The following TENM4 variants were observed in gnomAD, a reference collection of about 807,000 sequenced individuals.
TENM4 encodes the protein teneurin-4.
TENM4 carries 82 observed loss-of-function variants against 243.3 expected under a neutral mutation model. That is an observed-to-expected ratio of 0.34 (90% confidence interval 0.28 to 0.40). The LOEUF is 0.40. Among genes scored for constraint, TENM4 ranks in the 10% least tolerant of loss-of-function variants. TENM4 has a pLI of 1.00. For synonymous variants in TENM4, 1,412 were observed against 1,456.3 expected (o/e 0.97, Z 0.69); for missense variants, 3,138 against 3,673.3 (o/e 0.85, Z 3.77).
At chr11:79,044,443 T>C (rs1441912917) in intron 6 of TENM4, among the ~76,000 whole-genome samples, 1 of 152,112 alleles carries the variant, frequency 6.6e-6, no homozygotes, top group Non-Finnish European at 1.5e-5. Context: ...CAGGACTGGG[T>C]AGGGAAGATG....
intron 18 of TENM4, among the ~76,000 whole-genome samples, chr11:78,766,551 C>T (rs1294566585): frequency 6.6e-6 from 1 of 152,104 alleles, no homozygotes; most frequent in East Asian, 1.9e-4. Context: ...TCTCAGGAGC[C>T]AGTGCCCAAG....
intron 1 of TENM4, among the ~76,000 whole-genome samples, chr11:79,409,780 T>A (rs117259332): frequency 0.028 from 4,216 of 152,268 alleles, 95 homozygotes; most frequent in Non-Finnish European, 0.038. Context: ...AGGTGGAGGC[T>A]CCACAACCAA....
At chr11:78,744,409 T>G (rs1856000285) in intron 19 of TENM4, among the ~76,000 whole-genome samples, 1 of 152,226 alleles carries the variant, frequency 6.6e-6, no homozygotes, top group Non-Finnish European at 1.5e-5. Flanking sequence ...GATCACCTCT[T>G]TCAAACTTCT....
intron 28 of TENM4, among the ~76,000 whole-genome samples, chr11:78,693,345 C>CGCG (rs1485377640): frequency 1.3e-5 from 2 of 152,152 alleles, no homozygotes; most frequent in Non-Finnish European, 2.9e-5. Context: ...AAGCAACTTG[C>CGCG]CTAAGATCAC....
chr11:78,985,016 G>A (rs1011821761), intron 6 of TENM4, among the ~76,000 whole-genome samples: 11 of 152,166 alleles, frequency 7.2e-5, no homozygotes, highest in African/African-American at 2.4e-4. Context: ...TACCACTTAA[G>A]GTGTGATCTT....
intron 2 of TENM4, among the ~76,000 whole-genome samples, chr11:79,281,966 G>C (rs940089099): frequency 6.6e-6 from 1 of 152,148 alleles, no homozygotes; most frequent in African/African-American, 2.4e-5. Context: ...CTTGGGCCTG[G>C]AAGGCCCTGT....
rs142010894 is a variant in TENM4 at position 79,178,483 on chromosome 11, G to A, written c.-162-29677C>T. Among the ~76,000 whole-genome samples, 10 of 152,296 alleles carry A rather than the reference G, an allele frequency of 6.6e-5. No homozygotes were observed. In the East Asian group the frequency reaches 1.9e-3, roughly 29 times the overall value. ...GGAAGAACCAGTGAAAGAGGTGGAA[G>A]AAGTAGTGAGTAGTGTGGTGAGGCA... On this transcript the variant is annotated intron_variant, in intron 3 of 33. Coordinates refer to ENST00000278550, the MANE Select transcript of TENM4 (RefSeq NM_001098816.3).
chr11:78,818,567 T>C (rs956287654), intron 12 of TENM4, among the ~76,000 whole-genome samples: 2 of 152,228 alleles, frequency 1.3e-5, no homozygotes, highest in African/African-American at 4.8e-5. Context: ...CTTATGTATA[T>C]ATTTTTCTTC....
chr11:79,254,156 C>T (rs1347000185), intron 2 of TENM4, among the ~76,000 whole-genome samples: 1 of 152,162 alleles, frequency 6.6e-6, no homozygotes, highest in African/African-American at 2.4e-5. Flanking sequence ...CTTTTTGGCT[C>T]ATTTATTCTA....
intron 23 of TENM4, among the ~76,000 whole-genome samples, chr11:78,725,870 G>A (rs1855498251): frequency 6.6e-6 from 1 of 152,196 alleles, no homozygotes; most frequent in Non-Finnish European, 1.5e-5. Context: ...CAGGCATAAA[G>A]CCTTGAGGCC....
At chr11:79,015,821 G>A (rs1858760826) in intron 6 of TENM4, among the ~76,000 whole-genome samples, 1 of 152,202 alleles carries the variant, frequency 6.6e-6, no homozygotes, top group African/African-American at 2.4e-5. Flanking sequence ...ATGGTCATAA[G>A]TGCTCTGTCA....
chr11:78,777,358 C>T (rs1163621730), intron 17 of TENM4, among the ~76,000 whole-genome samples: 2 of 152,196 alleles, frequency 1.3e-5, no homozygotes, highest in Non-Finnish European at 2.9e-5. Context: ...AGCTGAAAAG[C>T]ATTTAGTCAG....
chr11:78,758,847 A>C (rs953520191), intron 18 of TENM4, among the ~76,000 whole-genome samples: 1 of 152,110 alleles, frequency 6.6e-6, no homozygotes, highest in Non-Finnish European at 1.5e-5. Flanking sequence ...TGGCACTGAA[A>C]CTTACTAGTG....
At chr11:79,027,804 C>T (rs1451343611) in intron 6 of TENM4, among the ~76,000 whole-genome samples, 1 of 152,156 alleles carries the variant, frequency 6.6e-6, no homozygotes, top group African/African-American at 2.4e-5. Context: ...AATAGCTAGA[C>T]CTATCTGTTC....
At chr11:78,814,455 C>T in intron 12 of TENM4, 60 bp from the exon 13 acceptor site, 1 of 1,453,212 alleles carries the variant, frequency 6.9e-7, no homozygotes, top group Non-Finnish European at 9.4e-7. Flanking sequence ...ACAGAGAGCC[C>T]AGGAATCAAG....
chr11:79,193,489 A>C (rs1036008135), intron 3 of TENM4, among the ~76,000 whole-genome samples: 1 of 152,184 alleles, frequency 6.6e-6, no homozygotes, highest in African/African-American at 2.4e-5. Context: ...CAGGAGACAA[A>C]GCTTGTGGCC....
intron 6 of TENM4, among the ~76,000 whole-genome samples, chr11:79,052,715 A>G (rs1750478482): frequency 6.6e-6 from 1 of 152,202 alleles, no homozygotes; most frequent in African/African-American, 2.4e-5. Flanking sequence ...TGGGGTCGCC[A>G]TCTGCTGGCC....
At chr11:78,738,012 T>C (rs1443945353) in intron 20 of TENM4, among the ~76,000 whole-genome samples, 3 of 152,208 alleles carry the variant, frequency 2.0e-5, no homozygotes, top group Non-Finnish European at 4.4e-5. Flanking sequence ...AAGTTTTATT[T>C]CATTCTGCTG....
intron 4 of TENM4, among the ~76,000 whole-genome samples, chr11:79,101,096 T>C (rs1229959576): frequency 6.6e-6 from 1 of 152,142 alleles, no homozygotes; most frequent in East Asian, 1.9e-4. Context: ...GGGGAGGGTA[T>C]TGGGGGCCAT....
Sources: gnomAD v4.1 joint callset for allele counts (sites outside exome capture counted in the v4.1 genomes callset) on GRCh38, gnomAD v4.1.1 for gene constraint, MANE v1.5 for transcripts, NCBI Gene and HGNC (gene_info 2026-07-23, HGNC 2026-07-21) for gene names.